TRIM66: variants seen among roughly 807,000 people sequenced by gnomAD.
TRIM66 encodes tripartite motif-containing protein 66.
In TRIM66, 99 loss-of-function variants were observed where a neutral mutation model predicts 148.2. The ratio of observed to expected loss-of-function variants is 0.67; its 90% CI spans 0.57 to 0.79. The LOEUF (loss-of-function observed/expected upper bound fraction) is 0.79, where lower values mean the gene tolerates loss of function less well. Among genes scored for constraint, TRIM66 ranks in the 30% least tolerant of loss-of-function variants. TRIM66 has a pLI of 0.00. For missense variants in TRIM66, 1,666 were observed against 1,697.9 expected (o/e 0.98, Z 0.33); for synonymous variants, 616 against 635.9 (o/e 0.97, Z 0.47).
Position 8,624,666 on chromosome 11 carries a change from C to T in TRIM66, c.2826+47G>A, listed in dbSNP as rs1161328831. On this transcript the variant is annotated intron_variant, in intron 16 of 24. Coordinates refer to ENST00000646038, the MANE Select transcript of TRIM66 (RefSeq NM_001388022.1). ...AGGGTCCCAGTGGCCAATCTTTTGC[C>T]CAATGATGAACAAAGGAAGTTTGGA... is the stretch of plus-strand genomic sequence containing the variant. 5 of 1,476,832 alleles carry T rather than the reference C, an allele frequency of 3.4e-6. No individual in the cohort carries two copies. In the East Asian group the frequency reaches 1.2e-4, roughly 37 times the overall value. The allele number at this position is 1,476,832 out of a possible 1,614,324, so 91.5% of individuals were successfully genotyped here.
chr11:8,625,350 AGCTGCTGG>A, intron 15 of TRIM66, 122 bp from the exon 16 acceptor site: 1 of 685,946 alleles, frequency 1.5e-6, no homozygotes. Flanking sequence ...AGAGTCTGGT[AGCTGCTGG>A]TAGCTGCCAG....
rs2036297220 is a variant in TRIM66 at position 8,640,651 on chromosome 11, T to C, written c.1724A>G (p.Gln575Arg). The change falls in exon 14 of 25, where the codon CAG becomes CGG. Residue 575 changes from glutamine (Q) to arginine (R), a missense_variant. Physicochemically the swap from Gln to Arg is conservative, Grantham distance 43. Transcript: ENST00000646038. ...QQGAHAQPTLQTPSIQVQFGH... is the reference protein window; with the variant it reads ...QQGAHAQPTLRTPSIQVQFGH... ...AAACTGGACTTGGATAGAGGGTGTCTGTAAGGTGGGCTGGGCATGGGCTCC... is the reference window on the plus strand; with the variant it reads ...AAACTGGACTTGGATAGAGGGTGTCCGTAAGGTGGGCTGGGCATGGGCTCC... 6.4e-7 allele frequency: 1 copy of C among 1,551,518 alleles called. No individual in the cohort carries two copies. The highest frequency in any genetic ancestry group is 1.4e-5 in the African/African-American group (1 of 73,094).
Position 8,620,470 on chromosome 11 carries a change from A to C in TRIM66, c.3648T>G (p.Pro1216=). ...CCTTCTGGTCATACATGCTTAGGCC[A>C]GGAGATGCCCGCATTCCAGGCTGGT... ...CYNQPGMRAS[P]GLSMYDQKKC... is the part of the protein sequence containing the mutation. Residue 1216 remains proline, a synonymous_variant, in exon 21 of 25, where the codon CCT becomes CCG. Transcript: ENST00000646038. The C allele has an allele frequency of 6.4e-7, 1 of 1,551,796 alleles. No individual in the cohort carries two copies. The highest frequency in any genetic ancestry group is 8.7e-7 in the Non-Finnish European group (1 of 1,147,018).
upstream of TRIM66, chr11:8,682,676 C>T: frequency 1.1e-6 from 1 of 946,240 alleles, no homozygotes; most frequent in Non-Finnish European, 1.7e-6. Context: ...GACTAGCAGG[C>T]GCGCAATCCC....
rs1228541755 is a variant in TRIM66 at position 8,625,241 on chromosome 11, A to G, written c.2311-13T>C. The G allele has an allele frequency of 6.7e-7, 1 of 1,486,668 alleles. No homozygotes were observed. The highest frequency in any genetic ancestry group is 2.2e-5 in the Admixed American group (1 of 45,800). 92.1% of individuals were successfully genotyped at this position (1,486,668 alleles called of 1,614,324 possible). ...GCGAGGTGGAGTGCTGCAGGAACAG[A>G]GACAAGGGGTAGAGTCAGGCTGCTA... On this transcript the variant is annotated splice_polypyrimidine_tract_variant and intron_variant, in intron 15 of 24. Coordinates refer to ENST00000646038, the MANE Select transcript of TRIM66 (RefSeq NM_001388022.1).
chr11:8,649,064 C>G (rs1400514016), intron 8 of TRIM66, among the ~76,000 whole-genome samples: 1 of 152,106 alleles, frequency 6.6e-6, no homozygotes, highest in African/African-American at 2.4e-5. Flanking sequence ...GGTGGCTGGG[C>G]GCAGTGGCTC....
rs1444276481 is a variant in TRIM66 at position 8,678,306 on chromosome 11, C to T, written c.-190+1314G>A. The stretch of plus-strand genomic sequence containing the variant: ...AAGAAAGTGGCTTAATAAAAGATAG[C>T]ACATGCTGAAAATAAATTATTCTTC... On this transcript the variant is annotated intron_variant, in intron 3 of 24. Coordinates refer to ENST00000646038, the MANE Select transcript of TRIM66 (RefSeq NM_001388022.1). The T allele has an allele frequency of 6.6e-5, 10 of 152,170 alleles. No homozygotes were observed. The East Asian group carries it at 1.9e-3, about 29-fold the overall frequency. 9.4% of individuals were successfully genotyped at this position (152,170 alleles called of 1,614,324 possible).
In TRIM66 at chr11:8,628,958, C is replaced by T. The variant is rs956629461; in HGVS notation, c.2311-3730G>A. 7.5e-4 allele frequency among the ~76,000 whole-genome samples: 114 copies of T among 152,108 alleles called. 1 individual carries two copies. The highest frequency in any genetic ancestry group is 3.3e-3 in the Admixed American group (50 of 15,254). ...TTTTATCTCTCCAAAGAAAAGTATG[C>T]TTTTTATATTTTCCTTAGTAGTTTA... On this transcript the variant is annotated intron_variant, in intron 15 of 24. Transcript: ENST00000646038.
Position 8,682,629 on chromosome 11 carries a change from C to T in TRIM66, c.-576G>A. ...AACCGTACACCGCCACCAGGACACT[C>T]CGTGATGGGGGATCACCACCCTCAG... On this transcript the variant is annotated 5_prime_UTR_variant, in exon 1 of 25. Transcript: ENST00000646038. The T allele has an allele frequency of 1.5e-6, 1 of 686,788 alleles. No individual in the cohort carries two copies. The highest frequency in any genetic ancestry group is 2.7e-5 in the East Asian group (1 of 37,412). The allele number at this position is 686,788 out of a possible 1,614,324, so 42.5% of individuals were successfully genotyped here.
intron 8 of TRIM66, among the ~76,000 whole-genome samples, chr11:8,649,288 G>A (rs901433713): frequency 3.9e-5 from 6 of 152,044 alleles, no homozygotes; most frequent in African/African-American, 7.2e-5. Flanking sequence ...GTAGTGAGCC[G>A]AGATCATGCC....
chr11:8,657,100 C>A (rs2037895040), intron 6 of TRIM66, among the ~76,000 whole-genome samples: 1 of 152,174 alleles, frequency 6.6e-6, no homozygotes, highest in Non-Finnish European at 1.5e-5. Context: ...CTGTTTCAGA[C>A]ATGAACAGCA....
Position 8,649,787 on chromosome 11 carries a change from G to A in TRIM66, c.545C>T (p.Pro182Leu). The A allele has an allele frequency of 6.4e-7, 1 of 1,551,686 alleles. No homozygotes were observed. The highest frequency in any genetic ancestry group is 8.7e-7 in the Non-Finnish European group (1 of 1,147,010). The change falls in exon 8 of 25, where the codon CCT becomes CTT. Residue 182 changes from proline to leucine, a missense_variant. Physicochemically the swap from Pro to Leu is moderately conservative, Grantham distance 98 (BLOSUM62 -3). Around this residue, in one of 3 missense-constraint regions of TRIM66, gnomAD observed 1,431 missense variants for 1,412.4 expected, o/e 1.01. Coordinates refer to ENST00000646038, the MANE Select transcript of TRIM66 (RefSeq NM_001388022.1). ...SSCTEEHRHS[P>L]VPGGPFFPRA... ...AGGAAAGAATGGGCCCCCGGGGACAGGGCTGTGTCGGTGTTCCTCTGTGCA... is the reference window on the plus strand; with the variant it reads ...AGGAAAGAATGGGCCCCCGGGGACAAGGCTGTGTCGGTGTTCCTCTGTGCA...
intron 15 of TRIM66, among the ~76,000 whole-genome samples, chr11:8,634,268 C>G (rs547308871): frequency 6.6e-6 from 1 of 152,344 alleles, no homozygotes; most frequent in Admixed American, 6.5e-5. Flanking sequence ...CAGGCTCAAG[C>G]AATTCTCATG....
intron 8 of TRIM66, among the ~76,000 whole-genome samples, chr11:8,649,202 G>A (rs982140667): frequency 6.6e-6 from 1 of 152,154 alleles, no homozygotes; most frequent in African/African-American, 2.4e-5. Context: ...AGCTGGGCGC[G>A]GTGGCGCATG....
At chr11:8,658,969 AC>A (rs945314812) in intron 6 of TRIM66, 1 of 217,380 alleles carries the variant, frequency 4.6e-6, no homozygotes, top group African/African-American at 2.4e-5. Flanking sequence ...ACACACATTT[AC>A]GATGCACAAA....
At position 8,624,953 on chromosome 11, in the gene TRIM66, CA is replaced by C; in HGVS notation, c.2585del (p.Leu862ArgfsTer2). 2 of 1,551,698 alleles carry C rather than the reference CA, an allele frequency of 1.3e-6. No individual in the cohort carries two copies. Among genetic ancestry groups the C allele is most frequent in the Non-Finnish European group, 1.7e-6 (2 of 1,146,962 alleles). On this transcript the variant is annotated frameshift_variant, in exon 16 of 25. Transcript: ENST00000646038. LOFTEE classifies it high-confidence loss of function. ...VHSTFQSMPN[L>X]ISDSPQAMAS... ...CCATAGCCTGAGGGGAGTCACTTAT[CA>C]GGTTGGGCATGGACTGGAATGTGCT...
rs373665234 is a variant in TRIM66, at chr11:8,624,778, G to T, written c.2761C>A (p.Arg921=). 3.7e-5 allele frequency: 57 copies of T among 1,550,362 alleles called. No individual in the cohort carries two copies. The East Asian group carries it at 4.4e-4, about 12-fold the overall frequency. Residue 921 remains arginine (R), a synonymous_variant, in exon 16 of 25, where the codon CGA becomes AGA. Transcript: ENST00000646038. ...PETGSSSSSG[R]TSGSLCPRDG... ...CTGGGACACAGGCTCCCTGAAGTTCGGCCAGAACTGGAGCTGGACCCAGTT... is the reference window on the plus strand; with the variant it reads ...CTGGGACACAGGCTCCCTGAAGTTCTGCCAGAACTGGAGCTGGACCCAGTT...
rs781677352 is a variant in TRIM66, at chr11:8,625,254, AG to A, written c.2311-27del. ...CTGCAGGAACAGAGACAAGGGGTAG[AG>A]TCAGGCTGCTAGCTGGGAATGGAGG... On this transcript the variant is annotated intron_variant, in intron 15 of 24. Coordinates refer to ENST00000646038, the MANE Select transcript of TRIM66 (RefSeq NM_001388022.1). The A allele has an allele frequency of 6.1e-6, 9 of 1,468,308 alleles. No homozygotes were observed. In the Middle Eastern group the frequency reaches 9.1e-4, roughly 149 times the overall value. 91.0% of individuals were successfully genotyped at this position (1,468,308 alleles called of 1,614,324 possible).
chr11:8,675,896 G>A (rs2039155617), intron 3 of TRIM66, among the ~76,000 whole-genome samples: 2 of 151,882 alleles, frequency 1.3e-5, no homozygotes, highest in Non-Finnish European at 2.9e-5. Context: ...GCACCACTAC[G>A]CCCAGCTAAT....
Sources: allele counts gnomAD v4.1 joint callset (sites outside exome capture counted in the v4.1 genomes callset), GRCh38; gene constraint gnomAD v4.1.1; regional missense constraint gnomAD v4.1.1; transcripts MANE v1.5; gene names NCBI Gene and HGNC (gene_info 2026-07-23, HGNC 2026-07-21).